The following MYLK variants were observed in gnomAD, a reference collection of about 807,000 sequenced individuals.
MYLK encodes myosin light chain kinase, smooth muscle.
MYLK carries 106 observed loss-of-function variants against 203.4 expected under a neutral mutation model. The ratio of observed to expected loss-of-function variants is 0.52; its 90% CI spans 0.45 to 0.61. The LOEUF (loss-of-function observed/expected upper bound fraction) is 0.61, where lower values mean the gene tolerates loss of function less well. Among genes scored for constraint, MYLK ranks in the 20% least tolerant of loss-of-function variants. MYLK has a pLI of 0.00. For missense variants in MYLK, 2,072 were observed against 2,442.3 expected, an observed-to-expected ratio of 0.85 and a Z score of 3.20; for synonymous variants, 867 against 959.5, an observed-to-expected ratio of 0.90 and a Z score of 1.78.
intron 7 of MYLK, among the ~76,000 whole-genome samples, chr3:123,738,566 G>A (rs946736137): frequency 3.9e-5 from 6 of 152,162 alleles, no homozygotes; most frequent in South Asian, 2.1e-4. Context: ...TAATTCCCAC[G>A]TGTTGTGGGA....
At position 123,880,403 on chromosome 3, in the gene MYLK, T is replaced by A. The variant is rs144817009; in HGVS notation, c.-185-3786A>T. Among the ~76,000 whole-genome samples the A allele has an allele frequency of 5.2e-3, 797 of 152,126 alleles. 5 individuals carry two copies. Among genetic ancestry groups the A allele is most frequent in the Middle Eastern group, 6.8e-3 (2 of 294 alleles). On this transcript the variant is annotated intron_variant, in intron 1 of 33. Coordinates refer to ENST00000360304, the MANE Select transcript of MYLK (RefSeq NM_053025.4). ...AGGTGTTCGGTTCCCCCAAAGATTATGAGAAATAACCCATAAGGTCCTGGA... is the reference window on the plus strand; with the variant it reads ...AGGTGTTCGGTTCCCCCAAAGATTAAGAGAAATAACCCATAAGGTCCTGGA...
Position 123,700,284 on chromosome 3 carries a change from C to A in MYLK, c.3184G>T (p.Ala1062Ser), listed in dbSNP as rs11558550. The change falls in exon 18 of 34, where the codon GCT (alanine) becomes TCT (serine). Residue 1062 changes from alanine (A) to serine (S), a missense_variant. Around this residue, in one of 3 missense-constraint regions of MYLK, gnomAD observed 865 missense variants for 1,016.0 expected, o/e 0.85. Coordinates refer to ENST00000360304, the MANE Select transcript of MYLK (RefSeq NM_053025.4). ...TCTTTCTTGAGTTCTTCTTTGCTAG[C>A]GGATTTCAGGTTCTCATCAGGCTTG... Reference protein sequence around the residue: ...NAKPDENLKSASKEELKKDVK... With the variant: ...NAKPDENLKSSSKEELKKDVK... 66 of 1,613,858 alleles carry A rather than the reference C, an allele frequency of 4.1e-5. No homozygotes were observed. The Middle Eastern group carries it at 4.9e-4, about 12-fold the overall frequency.
chr3:123,646,715 G>C (rs530643047), intron 27 of MYLK, among the ~76,000 whole-genome samples: 8 of 152,340 alleles, frequency 5.3e-5, no homozygotes, highest in Non-Finnish European at 8.8e-5. Flanking sequence ...AGTCCAAAGA[G>C]TACAAACAAG....
At chr3:123,822,532 A>G (rs1191279669) in intron 3 of MYLK, among the ~76,000 whole-genome samples, 1 of 152,196 alleles carries the variant, frequency 6.6e-6, no homozygotes, top group Admixed American at 6.5e-5. Flanking sequence ...TGTGTACTTT[A>G]CAGAGTATGG....
In MYLK at chr3:123,709,747, G is replaced by A; in HGVS notation, c.1942+9C>T. On this transcript the variant is annotated intron_variant, in intron 14 of 33. Coordinates refer to ENST00000360304, the MANE Select transcript of MYLK (RefSeq NM_053025.4). ...TGTTAATCCCCAAGAGAGAGCTGCA[G>A]AGACAGACCTGACACTTGGACAGTC... 1.9e-6 allele frequency: 3 copies of A among 1,613,560 alleles called. No individual in the cohort carries two copies. Among genetic ancestry groups the A allele is most frequent in the Non-Finnish European group, 2.5e-6 (3 of 1,179,874 alleles).
intron 13 of MYLK, among the ~76,000 whole-genome samples, chr3:123,719,605 T>C (rs1322812195): frequency 6.6e-6 from 1 of 152,182 alleles, no homozygotes; most frequent in East Asian, 1.9e-4. Context: ...AGCATCTCCA[T>C]TTCACACAAG....
At chr3:123,781,185 T>A (rs1414847890) in intron 4 of MYLK, among the ~76,000 whole-genome samples, 1 of 151,844 alleles carries the variant, frequency 6.6e-6, no homozygotes, top group Non-Finnish European at 1.5e-5. Context: ...AGGCCAGGAG[T>A]CTGCAGTCAG....
At chr3:123,822,309 G>A (rs1486192033) in intron 3 of MYLK, among the ~76,000 whole-genome samples, 1 of 152,132 alleles carries the variant, frequency 6.6e-6, no homozygotes, top group Admixed American at 6.5e-5. Context: ...CTCAGGCCTG[G>A]GTACTCCTCA....
chr3:123,662,122 T>C (rs543887480), intron 23 of MYLK, among the ~76,000 whole-genome samples: 1 of 152,308 alleles, frequency 6.6e-6, no homozygotes, highest in African/African-American at 2.4e-5. Context: ...CTCTCTGGCA[T>C]GTGGACAGCT....
intron 13 of MYLK, among the ~76,000 whole-genome samples, chr3:123,717,976 C>T (rs1434020039): frequency 6.6e-6 from 1 of 151,672 alleles, no homozygotes; most frequent in African/African-American, 2.4e-5. Flanking sequence ...ATCCTCCTGC[C>T]TCAGCCTCCT....
intron 12 of MYLK, among the ~76,000 whole-genome samples, chr3:123,725,127 G>C (rs901962026): frequency 3.3e-5 from 5 of 152,114 alleles, no homozygotes; most frequent in Non-Finnish European, 5.9e-5. Context: ...TCTTCTCATA[G>C]ATAAAGAAGC....
intron 20 of MYLK, among the ~76,000 whole-genome samples, chr3:123,679,499 C>A (rs564538065): frequency 6.6e-6 from 1 of 151,860 alleles, no homozygotes; most frequent in South Asian, 2.1e-4. Flanking sequence ...AGCCTGGCAC[C>A]GCTCTCAGTG....
At position 123,733,845 on chromosome 3, in the gene MYLK, G is replaced by C. The variant is rs769450736; in HGVS notation, c.1151C>G (p.Thr384Ser). ...PAPPRPATFP[T>S]RQPGLGSQDV... ...TTGGCTCCCCAGGCCAGGCTGCCTG[G>C]TGGGGAAGGTGGCTGGACGGGGAGG... is the stretch of plus-strand genomic sequence containing the variant. Residue 384 changes from threonine to serine, a missense_variant, in exon 10 of 34, where the codon ACC becomes AGC. Coordinates refer to ENST00000360304, the MANE Select transcript of MYLK (RefSeq NM_053025.4). The C allele has an allele frequency of 6.2e-7, 1 of 1,614,222 alleles. No homozygotes were observed. The highest frequency in any genetic ancestry group is 8.5e-7 in the Non-Finnish European group (1 of 1,180,036).
At chr3:123,650,036 C>T (rs542152344) in intron 24 of MYLK, among the ~76,000 whole-genome samples, 12 of 152,220 alleles carry the variant, frequency 7.9e-5, no homozygotes, top group East Asian at 1.9e-4. Context: ...GAACAGGGTC[C>T]GGGGAACAGG....
chr3:123,763,013 C>T (rs924610930), intron 4 of MYLK, among the ~76,000 whole-genome samples: 1 of 152,202 alleles, frequency 6.6e-6, no homozygotes, highest in Non-Finnish European at 1.5e-5. Context: ...TCTGCCCCCA[C>T]ATAAATCCAT....
chr3:123,756,930 T>C (rs754093265), intron 4 of MYLK, among the ~76,000 whole-genome samples: 4 of 152,202 alleles, frequency 2.6e-5, no homozygotes, highest in Non-Finnish European at 4.4e-5. Context: ...TAATTTTAAA[T>C]AGTAAAACTG....
intron 8 of MYLK, 105 bp downstream of exon 8, chr3:123,737,273 G>T: frequency 7.0e-7 from 1 of 1,434,960 alleles, no homozygotes. Flanking sequence ...TGTGTGAGTG[G>T]GCCAGGTGTA....
chr3:123,851,599 C>A (rs2030811110), intron 2 of MYLK, among the ~76,000 whole-genome samples: 1 of 152,152 alleles, frequency 6.6e-6, no homozygotes, highest in Admixed American at 6.5e-5. Context: ...GATTTTGTAT[C>A]CTAAGACTTT....
intron 4 of MYLK, among the ~76,000 whole-genome samples, chr3:123,776,895 C>T (rs908660956): frequency 2.6e-5 from 4 of 152,194 alleles, no homozygotes; most frequent in African/African-American, 7.2e-5. Flanking sequence ...AGCCACTATG[C>T]CCCTGTAGAT....
Sources: allele counts gnomAD v4.1 joint callset (sites outside exome capture counted in the v4.1 genomes callset), GRCh38; gene constraint gnomAD v4.1.1; regional missense constraint gnomAD v4.1.1; transcripts MANE v1.5; gene names NCBI Gene and HGNC (gene_info 2026-07-23, HGNC 2026-07-21).